Variants in LSM14A observed in about 807,000 individuals in gnomAD.
The protein encoded by LSM14A is protein LSM14 homolog A.
A neutral mutation model predicts 52.4 loss-of-function variants in LSM14A; 14 were observed. That is an observed-to-expected ratio of 0.27 (90% CI 0.18 to 0.42). LSM14A has a LOEUF of 0.42. LSM14A is among the 10% of genes least tolerant of loss of function. LSM14A has a pLI of 1.00. For missense variants in LSM14A, 417 were observed against 581.8 expected (o/e 0.72, Z 2.91); for synonymous variants, 185 against 200.3 (o/e 0.92, Z 0.64).
At chr19:34,211,123 A>G (rs2072113236) in intron 4 of LSM14A, among the ~76,000 whole-genome samples, 1 of 151,528 alleles carries the variant, frequency 6.6e-6, no homozygotes, top group Non-Finnish European at 1.5e-5. Flanking sequence ...GCCAACCAAC[A>G]TGGTGAAACC....
chr19:34,189,051 GCTGGAC>G (rs2070154556), intron 1 of LSM14A, among the ~76,000 whole-genome samples: 1 of 152,154 alleles, frequency 6.6e-6, no homozygotes, highest in African/African-American at 2.4e-5. Flanking sequence ...TAGCCCACTT[GCTGGAC>G]TGTAACTTCC....
rs755308584 is a variant in LSM14A at position 34,219,797 on chromosome 19, T to C, written c.1056T>C (p.Asp352=). ...CCCAAAACAGTGAAGGAAATGCCGA[T>C]GAAGAAGATCCACTTGGACCTAATT... ...VDTQNSEGNA[D]EEDPLGPNCY... is the part of the protein sequence containing the mutation. Residue 352 remains aspartate, a synonymous_variant, in exon 8 of 10, where the codon GAT becomes GAC. Transcript: ENST00000544216. 7.0e-5 allele frequency: 113 copies of C among 1,613,578 alleles called. No individual in the cohort carries two copies. The highest frequency in any genetic ancestry group is 9.3e-5 in the Non-Finnish European group (110 of 1,179,592).
In LSM14A at chr19:34,215,254, G is replaced by A; in HGVS notation, c.669G>A (p.Leu223=). 1 of 1,613,956 alleles carries A rather than the reference G, an allele frequency of 6.2e-7. No homozygotes were observed. Among genetic ancestry groups the A allele is most frequent in the Non-Finnish European group, 8.5e-7 (1 of 1,179,972 alleles). The stretch of plus-strand genomic sequence containing the variant: ...GGAGTCCTGTATCAACCAGGCCTTT[G>A]CCATCTGCCAGCCAAAAGGCAGGAG... ...GRRSPVSTRP[L]PSASQKAGEN... The change falls in exon 5 of 10, where the codon TTG becomes TTA. Residue 223 remains leucine (L), a synonymous_variant. Transcript: ENST00000544216.
intron 4 of LSM14A, among the ~76,000 whole-genome samples, chr19:34,214,087 C>T (rs1273111179): frequency 2.6e-5 from 4 of 151,992 alleles, no homozygotes; most frequent in Non-Finnish European, 4.4e-5. Flanking sequence ...CCAGCCAAAC[C>T]CCATATTAAG....
intron 1 of LSM14A, among the ~76,000 whole-genome samples, chr19:34,183,351 G>C (rs2069641558): frequency 6.6e-6 from 1 of 152,092 alleles, no homozygotes; most frequent in Non-Finnish European, 1.5e-5. Flanking sequence ...AGGAGTTCGA[G>C]ATCAGCCTGA....
intron 6 of LSM14A, among the ~76,000 whole-genome samples, chr19:34,217,255 CAAAAAAAAAAAA>C (rs55881439): frequency 1.8e-5 from 2 of 110,272 alleles, no homozygotes; most frequent in Admixed American, 2.0e-4. Context: ...GAGAGTCTGT[CAAAAAAAAAAAA>C]AAAAAAAAAT....
At chr19:34,183,771 A>G (rs905780640) in intron 1 of LSM14A, among the ~76,000 whole-genome samples, 1 of 152,186 alleles carries the variant, frequency 6.6e-6, no homozygotes, top group African/African-American at 2.4e-5. Context: ...AACAGGCACA[A>G]TGGAAACTAG....
intron 6 of LSM14A, among the ~76,000 whole-genome samples, chr19:34,218,250 C>T (rs1483755411): frequency 2.0e-5 from 3 of 152,018 alleles, no homozygotes; most frequent in African/African-American, 7.3e-5. Context: ...GTGATCCGCC[C>T]GCCCCGGCCT....
Position 34,192,316 on chromosome 19 carries a change from G to GTTTTTTTTTTTTTTTTTTTTTTTTTTTT in LSM14A, c.122-2160_122-2159insTTTTTTTTTTTTTTTTTTTTTTTTTTTT, listed in dbSNP as rs1306000214. On this transcript the variant is annotated intron_variant, in intron 1 of 9. Transcript: ENST00000544216. ...TTTACACTGAAATAACATTCTTTTT[G>GTTTTTTTTTTTTTTTTTTTTTTTTTTTT]TTGTTTTTTTTTTTTTTTTTTTTTT... 3.3e-4 allele frequency among the ~76,000 whole-genome samples: 22 copies of GTTTTTTTTTTTTTTTTTTTTTTTTTTTT among 65,778 alleles called. 3 individuals are homozygous for GTTTTTTTTTTTTTTTTTTTTTTTTTTTT. Among genetic ancestry groups the GTTTTTTTTTTTTTTTTTTTTTTTTTTTT allele is most frequent in the Non-Finnish European group, 5.8e-4 (20 of 34,548 alleles). The allele number at this position is 65,778 out of a possible 152,430, so 43.2% of individuals were successfully genotyped here.
intron 3 of LSM14A, among the ~76,000 whole-genome samples, chr19:34,207,991 G>A (rs1391573600): frequency 6.6e-6 from 1 of 152,182 alleles, no homozygotes; most frequent in Non-Finnish European, 1.5e-5. Context: ...GGGCATGATT[G>A]TAATCTTCAT....
chr19:34,182,932 T>A (rs2069601728), intron 1 of LSM14A, among the ~76,000 whole-genome samples: 1 of 147,906 alleles, frequency 6.8e-6, no homozygotes, highest in African/African-American at 2.5e-5. Flanking sequence ...CCTCTCCCCC[T>A]CCTCTTTCTA....
intron 1 of LSM14A, among the ~76,000 whole-genome samples, chr19:34,185,368 A>G (rs1362858481): frequency 6.6e-6 from 1 of 152,080 alleles, no homozygotes; most frequent in Non-Finnish European, 1.5e-5. Context: ...TCAGGAAGAG[A>G]TGGTGGAGGC....
intron 9 of LSM14A, 58 bp from the exon 10 acceptor site, chr19:34,227,307 A>G: frequency 8.3e-7 from 1 of 1,206,096 alleles, no homozygotes; most frequent in Non-Finnish European, 1.2e-6. Flanking sequence ...AGCAAAGTAA[A>G]AAGAAAATAA....
intron 3 of LSM14A, among the ~76,000 whole-genome samples, chr19:34,198,854 G>T (rs990513653): frequency 6.6e-6 from 1 of 151,924 alleles, no homozygotes; most frequent in Non-Finnish European, 1.5e-5. Flanking sequence ...GGGCGTGGTG[G>T]TGGGCGCCTG....
intron 5 of LSM14A, 55 bp downstream of exon 5, chr19:34,215,355 A>G: frequency 6.8e-7 from 1 of 1,461,984 alleles, no homozygotes; most frequent in East Asian, 2.4e-5. Flanking sequence ...TTTTCCACTC[A>G]CTTTATTTTC....
At chr19:34,221,905 CATT>C (rs985067348) in intron 9 of LSM14A, 167 bp downstream of exon 9, 2 of 1,321,322 alleles carry the variant, frequency 1.5e-6, no homozygotes, top group African/African-American at 3.0e-5. Context: ...TATATAAAGA[CATT>C]ATACAAAAAA....
chr19:34,172,668 G>C lies in LSM14A; in HGVS notation c.26G>C (p.Gly9Ala). MSGGTPYI[G>A]SKISLISKAE... The stretch of plus-strand genomic sequence containing the variant: ...ATGAGCGGGGGCACCCCTTACATCG[G>C]CAGCAAGATCAGCCTCATCTCCAAG... The change falls in exon 1 of 10, where the codon GGC becomes GCC. Residue 9 changes from glycine (G) to alanine (A), a missense_variant. Gly to Ala is a moderately conservative substitution (Grantham distance 60, BLOSUM62 0). This residue lies in a region of LSM14A where 60 missense variants were observed against 124.8 expected (regional missense o/e 0.48). Transcript: ENST00000544216. 6.3e-7 allele frequency: 1 copy of C among 1,577,542 alleles called. No individual in the cohort carries two copies. The highest frequency in any genetic ancestry group is 8.6e-7 in the Non-Finnish European group (1 of 1,163,702).
intron 4 of LSM14A, 90 bp downstream of exon 4, chr19:34,209,141 A>G: frequency 8.9e-7 from 1 of 1,123,090 alleles, no homozygotes; most frequent in South Asian, 2.1e-5. Flanking sequence ...CAGCTTGTAA[A>G]TCGCGTGTAT....
At chr19:34,208,238 G>C (rs1175489883) in intron 3 of LSM14A, 1 of 152,114 alleles carries the variant, frequency 6.6e-6, no homozygotes, top group African/African-American at 2.4e-5. Context: ...GGAAGGGGGA[G>C]GTACTGTTGA....
Sources: allele counts gnomAD v4.1 joint callset (sites outside exome capture counted in the v4.1 genomes callset), GRCh38; gene constraint gnomAD v4.1.1; regional missense constraint gnomAD v4.1.1; transcripts MANE v1.5; gene names NCBI Gene and HGNC (gene_info 2026-07-23, HGNC 2026-07-21).